TEKT4: variants seen among roughly 807,000 people sequenced by gnomAD.
TEKT4 encodes tektin-4.
TEKT4 carries 46 observed loss-of-function variants against 46.0 expected under a neutral mutation model. The observed-to-expected ratio is 1.00, with a 90% CI of 0.79 to 1.28. The LOEUF (loss-of-function observed/expected upper bound fraction) is 1.28, where lower values mean the gene tolerates loss of function less well. TEKT4 is among the 50% of genes most tolerant of loss of function. The probability of loss-of-function intolerance (pLI) is 0.00; values close to 1 mark genes in which losing one functional copy is unlikely to be tolerated. For synonymous variants in TEKT4, 325 were observed against 265.8 expected (o/e 1.22, Z -2.17); for missense variants, 790 against 622.9 (o/e 1.27, Z -2.85).
chr2:94,875,821 A>T, intron 5 of TEKT4, 79 bp downstream of exon 5: 1 of 1,397,426 alleles, frequency 7.2e-7, no homozygotes, highest in East Asian at 2.4e-5. Context: ...AAACACTCCA[A>T]CACCCCGCAC....
rs781986554 is a variant in TEKT4 at position 94,875,659 on chromosome 2, A to G, written c.1008A>G (p.Ala336=). 9 of 1,613,960 alleles carry G rather than the reference A, an allele frequency of 5.6e-6. No homozygotes were observed. In the African/African-American group the frequency reaches 1.1e-4, roughly 19 times the overall value. ...AGCAGGCCATCAAGGACAAAGAGGC[A>G]CCTCTGCACGTAGCCCAGACCCGGC... ...ALKQAIKDKE[A]PLHVAQTRLY... is the part of the protein sequence containing the mutation. Residue 336 remains alanine, a synonymous_variant, in exon 5 of 6, where the codon GCA becomes GCG. Transcript: ENST00000295201.
chr2:94,875,471 T>C, intron 4 of TEKT4, 117 bp from the exon 5 acceptor site: 2 of 1,482,630 alleles, frequency 1.3e-6, no homozygotes, highest in Non-Finnish European at 1.8e-6. Flanking sequence ...CCAGGGCCAC[T>C]GGTCAGGACT....
At position 94,874,124 on chromosome 2, in the gene TEKT4, G is replaced by A. The variant is rs782114402; in HGVS notation, c.713+16G>A. 45 of 1,610,624 alleles carry A rather than the reference G, an allele frequency of 2.8e-5. No individual in the cohort carries two copies. The South Asian group carries it at 4.3e-4, about 15-fold the overall frequency. On this transcript the variant is annotated intron_variant, in intron 3 of 5. Transcript: ENST00000295201. Reference sequence around the variant, plus strand: ...TCCAAGAGAGGTGGGCCCCAGCTCTGCCCCTGCACTTGCCCTGGCTGTGGT... The same window carrying A: ...TCCAAGAGAGGTGGGCCCCAGCTCTACCCCTGCACTTGCCCTGGCTGTGGT...
rs1553396207 is a variant in TEKT4 at position 94,875,584 on chromosome 2, G to A, written c.937-4G>A. The A allele has an allele frequency of 2.5e-6, 4 of 1,614,100 alleles. No homozygotes were observed. The highest frequency in any genetic ancestry group is 1.3e-5 in the African/African-American group (1 of 75,060). Reference sequence around the variant, plus strand: ...AGGCCCAAGGAGAACTGTCCTGTCTGCAGACACTGCGGGAAATCACAGATC... The same window carrying A: ...AGGCCCAAGGAGAACTGTCCTGTCTACAGACACTGCGGGAAATCACAGATC... On this transcript the variant is annotated splice_polypyrimidine_tract_variant and splice_region_variant and intron_variant, in intron 4 of 5. Coordinates refer to ENST00000295201, the MANE Select transcript of TEKT4 (RefSeq NM_144705.4).
Position 94,871,820 on chromosome 2 carries a change from CA to C in TEKT4, c.242del (p.Gln81ArgfsTer85). On this transcript the variant is annotated frameshift_variant, in exon 1 of 6. Coordinates refer to ENST00000295201, the MANE Select transcript of TEKT4 (RefSeq NM_144705.4). LOFTEE classifies it high-confidence loss of function. Reference protein sequence around the residue: ...QLATETQALAQRTQQDSTRTV... With the variant: ...QLATETQALAXRTQQDSTRTV... ...GGCCACAGAGACCCAGGCGCTGGCG[CA>C]GCGCACGCAGCAAGACTCCACGCGC... 1.9e-6 allele frequency: 3 copies of C among 1,608,676 alleles called. No homozygotes were observed. Among genetic ancestry groups the C allele is most frequent in the Non-Finnish European group, 2.5e-6 (3 of 1,177,886 alleles).
intron 5 of TEKT4, among the ~76,000 whole-genome samples, chr2:94,876,177 G>A (rs1680843946): frequency 2.0e-5 from 3 of 152,190 alleles, no homozygotes; most frequent in Non-Finnish European, 2.9e-5. Flanking sequence ...TGTTTCCCTT[G>A]ATAACGGATG....
rs782508261 is a variant in TEKT4 at position 94,874,102 on chromosome 2, A to G, written c.707A>G (p.Gln236Arg). Reference sequence around the variant, plus strand: ...GCTCATCCGTACTCCACCACCTTCCAAGAGAGGTGGGCCCCAGCTCTGCCC... The same window carrying G: ...GCTCATCCGTACTCCACCACCTTCCGAGAGAGGTGGGCCCCAGCTCTGCCC... ...VQAHPYSTTF[Q>R]ESASTPETRA... The change falls in exon 3 of 6, where the codon CAA becomes CGA. Residue 236 changes from glutamine to arginine, a missense_variant. By Grantham distance (43) the Gln-to-Arg change is conservative. Transcript: ENST00000295201. 57 of 1,613,212 alleles carry G rather than the reference A, an allele frequency of 3.5e-5. No homozygotes were observed. Among genetic ancestry groups the G allele is most frequent in the Non-Finnish European group, 4.8e-5 (57 of 1,179,832 alleles).
At position 94,875,628 on chromosome 2, in the gene TEKT4, C is replaced by T. The variant is rs782603226; in HGVS notation, c.977C>T (p.Ala326Val). The change falls in exon 5 of 6, where the codon GCA (alanine) becomes GTA (valine). Residue 326 changes from alanine to valine, a missense_variant. Physicochemically the swap from Ala to Val is moderately conservative, Grantham distance 64 (BLOSUM62 0). Coordinates refer to ENST00000295201, the MANE Select transcript of TEKT4 (RefSeq NM_144705.4). ...ACAGATCAGGAACACAACGTGGCGGCACTGAAGCAGGCCATCAAGGACAAA... is the reference window on the plus strand; with the variant it reads ...ACAGATCAGGAACACAACGTGGCGGTACTGAAGCAGGCCATCAAGGACAAA... ...EITDQEHNVA[A>V]LKQAIKDKEA... 2 of 1,614,164 alleles carry T rather than the reference C, an allele frequency of 1.2e-6. No individual in the cohort carries two copies. Among genetic ancestry groups the T allele is most frequent in the South Asian group, 2.2e-5 (2 of 91,080 alleles).
chr2:94,873,942 G>C (rs781919266), intron 2 of TEKT4, 23 bp from the exon 3 acceptor site: 2 of 1,612,936 alleles, frequency 1.2e-6, no homozygotes, highest in Non-Finnish European at 1.7e-6. Flanking sequence ...CACACATCAA[G>C]GCCCTGCCCC....
intron 4 of TEKT4, 37 bp downstream of exon 4, chr2:94,875,035 A>C: frequency 1.1e-4 from 174 of 1,538,096 alleles, no homozygotes; most frequent in Non-Finnish European, 1.4e-4. Context: ...GCCCCCTCTC[A>C]TCACCTGGCC....
At chr2:94,876,523 C>T (rs1553396608) in intron 5 of TEKT4, 30 bp from the exon 6 acceptor site, 1 of 1,574,650 alleles carries the variant, frequency 6.4e-7, no homozygotes, top group South Asian at 1.2e-5. Flanking sequence ...CCCTCCCTAG[C>T]CCCGGCTCAC....
chr2:94,872,147 G>A (rs1471034225), intron 1 of TEKT4, 70 bp downstream of exon 1: 5 of 1,463,324 alleles, frequency 3.4e-6, no homozygotes, highest in East Asian at 5.0e-5. Flanking sequence ...CGCAGTTCAT[G>A]TGGACAAGCC....
At chr2:94,873,175 T>C in intron 1 of TEKT4, 1 of 1,239,862 alleles carries the variant, frequency 8.1e-7, no homozygotes, top group Non-Finnish European at 1.0e-6. Context: ...GTTTGGGTCC[T>C]CAGGGGCTGT....
At chr2:94,873,907 G>T in intron 2 of TEKT4, 58 bp from the exon 3 acceptor site, 1 of 1,603,524 alleles carries the variant, frequency 6.2e-7, no homozygotes, top group African/African-American at 1.3e-5. Context: ...CAGCACAGAG[G>T]GTCCCCAGCA....
Position 94,876,815 on chromosome 2 carries a change from TTA to T in TEKT4, c.*47_*48del, listed in dbSNP as rs1346320537. ...CCCAGTCCCCCAAATAAACAGCGCG[TTA>T]GCTTTCTGCACAGTGTGTGTGTGTG... is the stretch of plus-strand genomic sequence containing the variant. On this transcript the variant is annotated 3_prime_UTR_variant, in exon 6 of 6. Coordinates refer to ENST00000295201, the MANE Select transcript of TEKT4 (RefSeq NM_144705.4). 26 of 1,548,232 alleles carry T rather than the reference TTA, an allele frequency of 1.7e-5. No homozygotes were observed. The East Asian group carries it at 5.7e-4, about 34-fold the overall frequency.
chr2:94,872,132 C>CCCG lies in TEKT4; in HGVS notation c.498+57_498+58insGCC, dbSNP rs1553394826. ...GTGGGCGCAGAGAGGAGGAGCCCCC[C>CCCG]CCCCCGCAGTTCATGTGGACAAGCC... is the stretch of plus-strand genomic sequence containing the variant. On this transcript the variant is annotated intron_variant, in intron 1 of 5. Transcript: ENST00000295201. 2.0e-6 allele frequency: 3 copies of CCCG among 1,475,784 alleles called. No homozygotes were observed. In the African/African-American group the frequency reaches 4.2e-5, roughly 21 times the overall value. 91.4% of individuals were successfully genotyped at this position (1,475,784 alleles called of 1,614,324 possible). A position where few individuals can be genotyped will look rare whatever the true frequency, so the allele number is the denominator to read the frequency against.
At chr2:94,872,387 TG>T (rs1285195362) in intron 1 of TEKT4, 30 of 476,318 alleles carry the variant, frequency 6.3e-5, no homozygotes, top group Admixed American at 1.9e-4. Flanking sequence ...CCTCCCTCGC[TG>T]GGACAGTTGC....
chr2:94,873,517 C>A lies in TEKT4; in HGVS notation c.499-3C>A, dbSNP rs1680674118. 6.2e-7 allele frequency: 1 copy of A among 1,612,238 alleles called. No homozygotes were observed. The highest frequency in any genetic ancestry group is 8.5e-7 in the Non-Finnish European group (1 of 1,180,012). ...CTGGTGCTCAGGGCGTCTCCTCCCT[C>A]AGGAAGCCGAGCTCATCCGGAACAT... On this transcript the variant is annotated splice_region_variant and splice_polypyrimidine_tract_variant and intron_variant, in intron 1 of 5. Coordinates refer to ENST00000295201, the MANE Select transcript of TEKT4 (RefSeq NM_144705.4).
intron 1 of TEKT4, 72 bp from the exon 2 acceptor site, chr2:94,873,448 C>T (rs1680669781): frequency 6.2e-7 from 1 of 1,608,032 alleles, no homozygotes; most frequent in Non-Finnish European, 8.5e-7. Flanking sequence ...TTGACCAAGG[C>T]CTGCAGCAGC....
Sources: allele counts gnomAD v4.1 joint callset (sites outside exome capture counted in the v4.1 genomes callset), GRCh38; gene constraint gnomAD v4.1.1; transcripts MANE v1.5; gene names NCBI Gene and HGNC (gene_info 2026-07-23, HGNC 2026-07-21).